The following FBXO10 variants were observed in gnomAD, a reference collection of about 807,000 sequenced individuals.
The protein encoded by FBXO10 is F-box only protein 10.
FBXO10 carries 39 observed loss-of-function variants against 80.7 expected under a neutral mutation model. That is an observed-to-expected ratio of 0.48 (90% CI 0.37 to 0.63). The LOEUF (loss-of-function observed/expected upper bound fraction) is 0.63. Among genes scored for constraint, FBXO10 ranks in the 30% least tolerant of loss-of-function variants. The pLI is 0.00. For synonymous variants in FBXO10, 449 were observed against 489.6 expected (o/e 0.92, Z 1.09); for missense variants, 1,025 against 1,269.0 (o/e 0.81, Z 2.92).
In FBXO10 at chr9:37,541,464, C is replaced by T. The variant is rs371131103; in HGVS notation, c.305G>A (p.Arg102His). The T allele has an allele frequency of 4.2e-5, 67 of 1,613,900 alleles. No homozygotes were observed. The highest frequency in any genetic ancestry group is 5.3e-5 in the Non-Finnish European group (62 of 1,179,896). The change falls in exon 2 of 11, where the codon CGC becomes CAC. Residue 102 changes from arginine to histidine, a missense_variant. Physicochemically the swap from Arg to His is conservative, Grantham distance 29. Transcript: ENST00000432825. ...CAGGGTACGTCGTTCCCTCCTCCGG[C>T]GGAATAGAGAAAAGCAGATGGAAGA... is the stretch of plus-strand genomic sequence containing the variant. ...LESSICFSLF[R>H]RRRERRTLSV...
intron 10 of FBXO10, among the ~76,000 whole-genome samples, chr9:37,513,817 C>A (rs146099800): frequency 6.6e-6 from 1 of 151,864 alleles, no homozygotes; most frequent in Non-Finnish European, 1.5e-5. Flanking sequence ...CTCGAAATCC[C>A]GACCTCAGGT....
chr9:37,525,694 C>T (rs1017912454), intron 5 of FBXO10, among the ~76,000 whole-genome samples: 8 of 152,062 alleles, frequency 5.3e-5, no homozygotes, highest in Non-Finnish European at 1.2e-4. Flanking sequence ...TGCGCCACCA[C>T]ATCCAGCTAA....
rs71494672 is a variant in FBXO10, at chr9:37,571,714, CATATATATATATAT to C, written c.-7+4483_-7+4496del. On this transcript the variant is annotated intron_variant, in intron 1 of 10. Coordinates refer to ENST00000432825, the MANE Select transcript of FBXO10 (RefSeq NM_012166.3). The stretch of plus-strand genomic sequence containing the variant: ...CCATTTAAGAGGGTGAAAAGAGAGC[CATATATATATATAT>C]ATATATATATATATATATATTTCCT... Among the ~76,000 whole-genome samples the C allele has an allele frequency of 3.9e-3, 360 of 93,152 alleles. 10 individuals are homozygous for C. Among genetic ancestry groups the C allele is most frequent in the African/African-American group, 0.017 (322 of 18,556 alleles). The allele number at this position is 93,152 out of a possible 152,430, so 61.1% of individuals were successfully genotyped here.
intron 1 of FBXO10, among the ~76,000 whole-genome samples, chr9:37,552,230 T>A (rs1822212805): frequency 6.6e-6 from 1 of 152,196 alleles, no homozygotes; most frequent in African/African-American, 2.4e-5. Flanking sequence ...AGCATTTGCT[T>A]CAAAACTGTT....
intron 1 of FBXO10, among the ~76,000 whole-genome samples, chr9:37,570,868 C>T (rs752060401): frequency 6.6e-6 from 1 of 151,986 alleles, no homozygotes; most frequent in Non-Finnish European, 1.5e-5. Context: ...GTGGCACGTG[C>T]CTGTAGTCCC....
intron 2 of FBXO10, 77 bp from the exon 3 acceptor site, chr9:37,538,020 T>C (rs1402241749): frequency 2.6e-6 from 3 of 1,152,782 alleles, no homozygotes; most frequent in Middle Eastern, 2.1e-4. Context: ...TTAAGGAGGG[T>C]AGAACATGGA....
At chr9:37,561,333 C>T (rs1034418507) in intron 1 of FBXO10, among the ~76,000 whole-genome samples, 1 of 152,082 alleles carries the variant, frequency 6.6e-6, no homozygotes, top group East Asian at 1.9e-4. Context: ...GCGTGAGTTA[C>T]CATGCCCAGA....
chr9:37,532,611 G>T (rs113492183), intron 3 of FBXO10, among the ~76,000 whole-genome samples: 2,033 of 152,162 alleles, frequency 0.013, 59 homozygotes, highest in African/African-American at 0.047. Context: ...CTCCCAAACT[G>T]CTGGCATTAC....
At chr9:37,570,750 T>G (rs1822730009) in intron 1 of FBXO10, among the ~76,000 whole-genome samples, 1 of 152,048 alleles carries the variant, frequency 6.6e-6, no homozygotes, top group Non-Finnish European at 1.5e-5. Context: ...ATCCCAGCAC[T>G]TTGGGAGGCT....
Position 37,512,411 on chromosome 9 carries a change from G to T in FBXO10, c.*136C>A. ...TGGGCTGTGGAGCTGAAGTGTTCTG[G>T]AGGTACCGTGTTTTGGAGGCCCGGG... On this transcript the variant is annotated 3_prime_UTR_variant, in exon 11 of 11. Transcript: ENST00000432825. The T allele has an allele frequency of 1.2e-6, 1 of 837,180 alleles. No individual in the cohort carries two copies. Among genetic ancestry groups the T allele is most frequent in the East Asian group, 2.5e-5 (1 of 39,498 alleles). The allele number at this position is 837,180 out of a possible 1,614,324, so 51.9% of individuals were successfully genotyped here. A position where few individuals can be genotyped will look rare whatever the true frequency, so the allele number is the denominator to read the frequency against.
At chr9:37,571,293 G>T (rs1319555084) in intron 1 of FBXO10, among the ~76,000 whole-genome samples, 2 of 152,170 alleles carry the variant, frequency 1.3e-5, no homozygotes, top group African/African-American at 4.8e-5. Flanking sequence ...AGCAAGGGTT[G>T]TAATTTGTCT....
chr9:37,558,588 T>C (rs996657952), intron 1 of FBXO10, among the ~76,000 whole-genome samples: 5 of 152,114 alleles, frequency 3.3e-5, no homozygotes, highest in African/African-American at 1.2e-4. Context: ...GAACCCCACA[T>C]ACCATCCAAT....
chr9:37,525,181 G>C lies in FBXO10; in HGVS notation c.1707-9C>G, dbSNP rs1821438030. On this transcript the variant is annotated splice_polypyrimidine_tract_variant and intron_variant, in intron 5 of 10. Coordinates refer to ENST00000432825, the MANE Select transcript of FBXO10 (RefSeq NM_012166.3). ...TGAAGATGTGGTTCCCGCTAAAGTG[G>C]AAGGAAAACAAAACAAAGAGGTGAG... The C allele has an allele frequency of 1.3e-6, 2 of 1,558,608 alleles. No homozygotes were observed. The highest frequency in any genetic ancestry group is 4.8e-5 in the East Asian group (2 of 41,504).
At chr9:37,533,932 T>C (rs1468910948) in intron 3 of FBXO10, among the ~76,000 whole-genome samples, 1 of 151,520 alleles carries the variant, frequency 6.6e-6, no homozygotes, top group East Asian at 1.9e-4. Flanking sequence ...AGAAGAGCTA[T>C]TTACATAGCA....
intron 1 of FBXO10, among the ~76,000 whole-genome samples, chr9:37,553,936 A>AAAAAAAG (rs1554648219): frequency 5.8e-4 from 86 of 148,932 alleles, no homozygotes; most frequent in African/African-American, 2.0e-3. Context: ...AAAAAAAAAA[A>AAAAAAAG]AAAGAAAGAA....
At chr9:37,528,157 C>A (rs1185866485) in intron 5 of FBXO10, among the ~76,000 whole-genome samples, 1 of 152,140 alleles carries the variant, frequency 6.6e-6, no homozygotes, top group African/African-American at 2.4e-5. Flanking sequence ...TTTAATGAGT[C>A]CCCGCTGTGT....
chr9:37,520,126 C>G (rs778145034), intron 8 of FBXO10, among the ~76,000 whole-genome samples: 1 of 151,248 alleles, frequency 6.6e-6, no homozygotes, highest in Non-Finnish European at 1.5e-5. Context: ...TGAGCCACTG[C>G]GCCTGGCCCA....
chr9:37,514,833 CTAAA>C (rs36025064), intron 10 of FBXO10, among the ~76,000 whole-genome samples: 12 of 151,674 alleles, frequency 7.9e-5, no homozygotes, highest in Admixed American at 3.3e-4. Context: ...GACTTGGTCT[CTAAA>C]TAAATAAATA....
At position 37,522,590 on chromosome 9, in the gene FBXO10, T is replaced by G. The variant is rs1305819160; in HGVS notation, c.1930+235A>C. The G allele has an allele frequency of 3.1e-6, 4 of 1,286,162 alleles. No individual in the cohort carries two copies. In the East Asian group the frequency reaches 1.2e-4, roughly 38 times the overall value. The allele number at this position is 1,286,162 out of a possible 1,614,324, so 79.7% of individuals were successfully genotyped here. A position where few individuals can be genotyped will look rare whatever the true frequency, so the allele number is the denominator to read the frequency against. On this transcript the variant is annotated intron_variant, in intron 7 of 10. Coordinates refer to ENST00000432825, the MANE Select transcript of FBXO10 (RefSeq NM_012166.3). ...ACACAACTCCTGTCTTTTGCTATTT[T>G]AAAAGGGGATAAAGCCTTCTGCTTT...
Sources: allele counts gnomAD v4.1 joint callset (sites outside exome capture counted in the v4.1 genomes callset), GRCh38; gene constraint gnomAD v4.1.1; transcripts MANE v1.5; gene names NCBI Gene and HGNC (gene_info 2026-07-23, HGNC 2026-07-21).